Variants in ANO4 observed in about 807,000 individuals in gnomAD.
ANO4 encodes anoctamin-4.
In ANO4, 69 loss-of-function variants were observed where a neutral mutation model predicts 141.9. The ratio of observed to expected loss-of-function variants is 0.49; its 90% CI spans 0.40 to 0.59. ANO4 has a LOEUF of 0.59. Among genes scored for constraint, ANO4 ranks in the 20% least tolerant of loss-of-function variants. ANO4 has a pLI of 0.00. For missense variants in ANO4, 894 were observed against 1,162.2 expected, an observed-to-expected ratio of 0.77 and a Z score of 3.36; for synonymous variants, 350 against 394.3, an observed-to-expected ratio of 0.89 and a Z score of 1.33.
At chr12:100,912,262 G>A (rs960494905) in intron 2 of ANO4, among the ~76,000 whole-genome samples, 2 of 151,900 alleles carry the variant, frequency 1.3e-5, no homozygotes, top group Admixed American at 6.6e-5. Context: ...AGACATTGTA[G>A]TGCAGGCTTG....
At chr12:100,737,970 C>G (rs1411099270) in intron 2 of ANO4, among the ~76,000 whole-genome samples, 1 of 152,038 alleles carries the variant, frequency 6.6e-6, no homozygotes, top group Non-Finnish European at 1.5e-5. Context: ...GTCAAAAAAT[C>G]CAGGGAACAG....
intron 17 of ANO4, among the ~76,000 whole-genome samples, chr12:101,093,818 C>T (rs1413949902): frequency 6.6e-6 from 1 of 152,104 alleles, no homozygotes; most frequent in Non-Finnish European, 1.5e-5. Context: ...CTTTTGAATG[C>T]TGTAATCTAG....
At chr12:100,917,510 A>G (rs1040932214) in intron 2 of ANO4, among the ~76,000 whole-genome samples, 11 of 152,352 alleles carry the variant, frequency 7.2e-5, no homozygotes, top group Admixed American at 2.0e-4. Flanking sequence ...AGTACGAAGT[A>G]GGCATAGTAC....
At chr12:100,946,930 G>T (rs2042751050) in intron 5 of ANO4, among the ~76,000 whole-genome samples, 1 of 152,168 alleles carries the variant, frequency 6.6e-6, no homozygotes, top group Non-Finnish European at 1.5e-5. Context: ...TGCTGATGGG[G>T]TGTGTACGAT....
chr12:100,990,180 T>G (rs66861122), intron 8 of ANO4, among the ~76,000 whole-genome samples: 10,893 of 115,064 alleles, frequency 0.095, 478 homozygotes, highest in Middle Eastern at 0.14. Flanking sequence ...AAGAAAAAAA[T>G]GAATGAATAT....
At chr12:101,004,704 T>C (rs778955380) in intron 8 of ANO4, among the ~76,000 whole-genome samples, 12 of 152,188 alleles carry the variant, frequency 7.9e-5, no homozygotes, top group Non-Finnish European at 1.5e-4. Context: ...CTTTAATCCT[T>C]TGGCTAAAGT....
At position 100,974,227 on chromosome 12, in the gene ANO4, A is replaced by G. The variant is rs57446928; in HGVS notation, c.558-618A>G. Among the ~76,000 whole-genome samples the G allele has an allele frequency of 5.1e-3, 770 of 152,156 alleles. 5 individuals carry two copies. The highest frequency in any genetic ancestry group is 0.018 in the African/African-American group (728 of 41,494). ...TTTGTATAGTTTCCAGAATTCCTTGATTTTACTTATTTAATTCATCTAAAG... is the reference window on the plus strand; with the variant it reads ...TTTGTATAGTTTCCAGAATTCCTTGGTTTTACTTATTTAATTCATCTAAAG... On this transcript the variant is annotated intron_variant, in intron 6 of 27. Transcript: ENST00000392977.
chr12:100,983,537 AATTCAGTTC>A (rs1194955823), intron 7 of ANO4, among the ~76,000 whole-genome samples: 4 of 152,132 alleles, frequency 2.6e-5, no homozygotes, highest in Non-Finnish European at 5.9e-5. Flanking sequence ...TTGCTGGCAC[AATTCAGTTC>A]ATGTAATCAT....
At chr12:100,883,599 C>G (rs1200244849) in intron 1 of ANO4, among the ~76,000 whole-genome samples, 3 of 152,206 alleles carry the variant, frequency 2.0e-5, no homozygotes, top group African/African-American at 2.4e-5. Context: ...TTTTTTCCTT[C>G]CCTCCTCATT....
chr12:100,725,490 G>A (rs2031074895), intron 1 of ANO4, among the ~76,000 whole-genome samples: 1 of 151,992 alleles, frequency 6.6e-6, no homozygotes, highest in South Asian at 2.1e-4. Context: ...GGGACTACAG[G>A]CGCCCACCAC....
At chr12:100,886,146 C>T (rs1028675229) in intron 1 of ANO4, among the ~76,000 whole-genome samples, 4 of 152,090 alleles carry the variant, frequency 2.6e-5, no homozygotes, top group African/African-American at 7.2e-5. Flanking sequence ...CTTCTATGAC[C>T]GTTACCCTGA....
chr12:100,874,019 C>T (rs920288684), intron 1 of ANO4, among the ~76,000 whole-genome samples: 9 of 152,214 alleles, frequency 5.9e-5, no homozygotes, highest in Non-Finnish European at 1.0e-4. Context: ...GCCACTGCTA[C>T]GGAAGGTGCC....
intron 1 of ANO4, among the ~76,000 whole-genome samples, chr12:100,732,335 T>C (rs74727778): frequency 0.052 from 7,966 of 152,296 alleles, 277 homozygotes; most frequent in Middle Eastern, 0.082. Context: ...ACGTGGAGCA[T>C]CTTTTCATGT....
chr12:100,819,805 G>T (rs528270089), intron 1 of ANO4, among the ~76,000 whole-genome samples: 1 of 151,946 alleles, frequency 6.6e-6, no homozygotes, highest in African/African-American at 2.4e-5. Flanking sequence ...GGCTGTAGAA[G>T]GAGAAACTGA....
intron 1 of ANO4, among the ~76,000 whole-genome samples, chr12:100,881,841 A>G (rs2039585278): frequency 6.6e-6 from 1 of 152,162 alleles, no homozygotes; most frequent in African/African-American, 2.4e-5. Flanking sequence ...GTTTTCCTTG[A>G]AGAAATTTGC....
intron 9 of ANO4, among the ~76,000 whole-genome samples, chr12:101,023,309 G>A (rs546921395): frequency 6.6e-6 from 1 of 152,298 alleles, no homozygotes; most frequent in Admixed American, 6.5e-5. Context: ...GTCAGAAAGG[G>A]TCTTTATAAA....
At chr12:101,026,376 TAAG>T (rs1355024185) in intron 9 of ANO4, among the ~76,000 whole-genome samples, 1 of 152,128 alleles carries the variant, frequency 6.6e-6, no homozygotes, top group East Asian at 1.9e-4. Context: ...GAGATAAATT[TAAG>T]AAGACCCAAT....
intron 7 of ANO4, among the ~76,000 whole-genome samples, chr12:100,980,490 G>A (rs1431478777): frequency 6.6e-6 from 1 of 152,112 alleles, no homozygotes; most frequent in Non-Finnish European, 1.5e-5. Context: ...CATCAATAAT[G>A]CAACACTGAC....
chr12:100,799,707 C>T (rs187198223), intron 1 of ANO4, among the ~76,000 whole-genome samples: 2 of 152,316 alleles, frequency 1.3e-5, no homozygotes, highest in East Asian at 3.9e-4. Context: ...CGCCATTGCA[C>T]TCCAGCCTGG....
Sources: allele counts gnomAD v4.1 joint callset (sites outside exome capture counted in the v4.1 genomes callset), GRCh38; gene constraint gnomAD v4.1.1; transcripts MANE v1.5; gene names NCBI Gene and HGNC (gene_info 2026-07-23, HGNC 2026-07-21).